Variants in CDC16 observed in about 807,000 individuals in gnomAD.
CDC16 encodes the protein cell division cycle 16.
In CDC16, 34 loss-of-function variants were observed where a neutral mutation model predicts 87.0. The ratio of observed to expected loss-of-function variants is 0.39; its 90% CI spans 0.30 to 0.52. CDC16 has a LOEUF of 0.52. CDC16 is among the 20% of genes least tolerant of loss of function. The pLI, the probability that CDC16 is intolerant of heterozygous loss-of-function variation, is 0.74. For missense variants in CDC16, 653 were observed against 751.9 expected (o/e 0.87, Z 1.54); for synonymous variants, 263 against 260.6 (o/e 1.01, Z -0.09).
Position 114,236,634 on chromosome 13 carries a change from T to C in CDC16, c.49-11T>C. ...GGGCAGTTACCACCTTTTTTTTTTT[T>C]TGGTATGCAGCAACAGTATCAAAGT... On this transcript the variant is annotated splice_polypyrimidine_tract_variant and intron_variant, in intron 1 of 17. Coordinates refer to ENST00000356221, the MANE Select transcript of CDC16 (RefSeq NM_001078645.3). The C allele has an allele frequency of 6.2e-7, 1 of 1,606,862 alleles. No individual in the cohort carries two copies. The highest frequency in any genetic ancestry group is 1.1e-5 in the South Asian group (1 of 88,776).
chr13:114,242,851 G>A (rs2081623698), intron 6 of CDC16, among the ~76,000 whole-genome samples: 1 of 152,230 alleles, frequency 6.6e-6, no homozygotes. Flanking sequence ...GTCTGGAGAT[G>A]TTGTTTGTCA....
At chr13:114,256,726 G>T (rs536479186) in intron 12 of CDC16, among the ~76,000 whole-genome samples, 78 of 152,332 alleles carry the variant, frequency 5.1e-4, no homozygotes, top group Non-Finnish European at 9.0e-4. Context: ...ATAAATGGTG[G>T]TGAGTAAATA....
chr13:114,240,202 T>C (rs1028862184), intron 5 of CDC16, among the ~76,000 whole-genome samples: 1 of 151,632 alleles, frequency 6.6e-6, no homozygotes, highest in Non-Finnish European at 1.5e-5. Context: ...TTTCTCTTTC[T>C]TCCCACATCT....
At chr13:114,236,988 C>A in intron 3 of CDC16, 92 bp downstream of exon 3, 3 of 737,988 alleles carry the variant, frequency 4.1e-6, no homozygotes, top group Non-Finnish European at 6.3e-6. Context: ...GTAATCCCAG[C>A]GCTTTGGAAA....
intron 2 of CDC16, 37 bp from the exon 3 acceptor site, chr13:114,236,762 T>G: frequency 1.2e-6 from 2 of 1,612,698 alleles, no homozygotes; most frequent in Non-Finnish European, 1.7e-6. Flanking sequence ...TATTTCACCT[T>G]GTACCTCTGA....
chr13:114,242,471 A>ATCT, intron 6 of CDC16, 191 bp downstream of exon 6: 1 of 552,092 alleles, frequency 1.8e-6, no homozygotes, highest in South Asian at 2.6e-5. Context: ...TGCTGTCCGA[A>ATCT]TCTAGGGATT....
intron 6 of CDC16, 35 bp from the exon 7 acceptor site, chr13:114,243,222 A>T: frequency 1.1e-6 from 1 of 927,538 alleles, no homozygotes; most frequent in South Asian, 1.3e-5. Flanking sequence ...TATAAATATT[A>T]TGAGGATATT....
chr13:114,254,564 T>C (rs1032825594), intron 12 of CDC16, among the ~76,000 whole-genome samples: 1 of 152,190 alleles, frequency 6.6e-6, no homozygotes, highest in African/African-American at 2.4e-5. Flanking sequence ...TTACACATTA[T>C]AAGTCCATCA....
At chr13:114,264,552 C>G (rs529830773) in intron 16 of CDC16, among the ~76,000 whole-genome samples, 1 of 151,552 alleles carries the variant, frequency 6.6e-6, no homozygotes, top group East Asian at 2.0e-4. Flanking sequence ...GAGCGAGACT[C>G]TGTCTCAAAA....
chr13:114,240,001 A>C (rs2081463449), intron 5 of CDC16, among the ~76,000 whole-genome samples: 1 of 138,144 alleles, frequency 7.2e-6, no homozygotes, highest in Non-Finnish European at 1.5e-5. Flanking sequence ...ACAGATCACT[A>C]ATCTGGATTT....
At chr13:114,252,272 G>A (rs1169752275) in intron 12 of CDC16, among the ~76,000 whole-genome samples, 1 of 151,856 alleles carries the variant, frequency 6.6e-6, no homozygotes, top group South Asian at 2.1e-4. Context: ...CCTTACACTA[G>A]CCCTGTTGGA....
In CDC16 at chr13:114,260,659, CACA is replaced by C. The variant is rs1392860806; in HGVS notation, c.1315-1224_1315-1222del. On this transcript the variant is annotated intron_variant, in intron 14 of 17. Transcript: ENST00000356221. The stretch of plus-strand genomic sequence containing the variant: ...AACTTAATGGTTTTAAGTATGAAAG[CACA>C]ACACTATTGAAATGTCAAAATGCTC... Among the ~76,000 whole-genome samples, 8 of 152,296 alleles carry C rather than the reference CACA, an allele frequency of 5.3e-5. No homozygotes were observed. The East Asian group carries it at 1.2e-3, about 22-fold the overall frequency.
In CDC16 at chr13:114,257,069, A is replaced by AT. The variant is rs754696722; in HGVS notation, c.1098-3dup. The AT allele has an allele frequency of 1.1e-5, 16 of 1,520,204 alleles. No homozygotes were observed. The highest frequency in any genetic ancestry group is 3.9e-5 in the Admixed American group (2 of 50,908). The allele number at this position is 1,520,204 out of a possible 1,614,324, so 94.2% of individuals were successfully genotyped here. ...GGTGTTGAATATGTGAAATTTTCCA[A>AT]TTTTTTAGGTGTCATTTGCCTATGC... On this transcript the variant is annotated splice_polypyrimidine_tract_variant and intron_variant, in intron 12 of 17. Coordinates refer to ENST00000356221, the MANE Select transcript of CDC16 (RefSeq NM_001078645.3).
At chr13:114,271,082 C>T (rs17291605) in intron 17 of CDC16, among the ~76,000 whole-genome samples, 8 of 151,778 alleles carry the variant, frequency 5.3e-5, no homozygotes, top group Admixed American at 2.6e-4. Context: ...CCACTATGCC[C>T]GGCTAATTTT....
At chr13:114,249,705 C>A (rs2082062599) in intron 11 of CDC16, among the ~76,000 whole-genome samples, 1 of 152,098 alleles carries the variant, frequency 6.6e-6, no homozygotes, top group South Asian at 2.1e-4. Context: ...TCCCTCAAGC[C>A]TTGGTATACC....
intron 14 of CDC16, among the ~76,000 whole-genome samples, chr13:114,260,775 C>G (rs2082804924): frequency 6.6e-6 from 1 of 152,148 alleles, no homozygotes; most frequent in Non-Finnish European, 1.5e-5. Flanking sequence ...GCCTAAGAGT[C>G]ATTAAATGAT....
intron 1 of CDC16, 82 bp downstream of exon 1, chr13:114,235,214 T>G: frequency 1.0e-6 from 1 of 988,132 alleles, no homozygotes; most frequent in Middle Eastern, 2.6e-4. Context: ...GTGACTGTTG[T>G]CGGGGCTCTT....
chr13:114,250,853 T>C (rs1254117198), intron 12 of CDC16, among the ~76,000 whole-genome samples, 179 bp downstream of exon 12: 5 of 152,126 alleles, frequency 3.3e-5, no homozygotes, highest in African/African-American at 9.7e-5. Flanking sequence ...GAGAAGCTGG[T>C]GTATGCATTT....
rs936231335 is a variant in CDC16 at position 114,243,948 on chromosome 13, T to C, written c.726T>C (p.Tyr242=). The C allele has an allele frequency of 3.7e-6, 6 of 1,605,540 alleles. No homozygotes were observed. The highest frequency in any genetic ancestry group is 3.3e-5 in the Admixed American group (2 of 59,826). ...TAGTGTCTTTAGCTGAGAGACATTA[T>C]TATAACTGTGATTTTAAAATGTGCT... ...DVVVSLAERH[Y]YNCDFKMCYK... Residue 242 remains tyrosine, a synonymous_variant, in exon 8 of 18, where the codon TAT becomes TAC. Coordinates refer to ENST00000356221, the MANE Select transcript of CDC16 (RefSeq NM_001078645.3).
Sources: allele counts gnomAD v4.1 joint callset (sites outside exome capture counted in the v4.1 genomes callset), GRCh38; gene constraint gnomAD v4.1.1; transcripts MANE v1.5; gene names NCBI Gene and HGNC (gene_info 2026-07-23, HGNC 2026-07-21).